The following CAMK1D variants were observed in gnomAD, a reference collection of about 807,000 sequenced individuals.
The protein encoded by CAMK1D is calcium/calmodulin-dependent protein kinase type 1D.
CAMK1D carries 9 observed loss-of-function variants against 47.7 expected under a neutral mutation model. That is an observed-to-expected ratio of 0.19 (90% CI 0.11 to 0.33). The LOEUF (loss-of-function observed/expected upper bound fraction) is 0.33, where lower values mean the gene tolerates loss of function less well. Among genes scored for constraint, CAMK1D ranks in the 10% least tolerant of loss-of-function variants. The pLI, the probability that CAMK1D is intolerant of heterozygous loss-of-function variation, is 1.00. For synonymous variants in CAMK1D, 184 were observed against 184.9 expected (o/e 0.99, Z 0.04); for missense variants, 291 against 488.7 (o/e 0.60, Z 3.81).
intron 1 of CAMK1D, among the ~76,000 whole-genome samples, chr10:12,477,461 C>A (rs1833934965): frequency 6.6e-6 from 1 of 152,186 alleles, no homozygotes; most frequent in African/African-American, 2.4e-5. Context: ...CTGTGTCCAT[C>A]TGAGATGACT....
intron 1 of CAMK1D, among the ~76,000 whole-genome samples, chr10:12,393,725 G>A (rs1032851427): frequency 1.3e-5 from 2 of 152,210 alleles, no homozygotes; most frequent in Non-Finnish European, 2.9e-5. Context: ...CAAACTTGAG[G>A]CATGGGGAAG....
chr10:12,758,004 A>G (rs974515173), intron 3 of CAMK1D, among the ~76,000 whole-genome samples: 3 of 152,124 alleles, frequency 2.0e-5, no homozygotes, highest in Non-Finnish European at 4.4e-5. Flanking sequence ...GGCACCCGCC[A>G]TCATGCCCAG....
At chr10:12,594,569 C>G (rs751175038) in intron 2 of CAMK1D, among the ~76,000 whole-genome samples, 1 of 152,194 alleles carries the variant, frequency 6.6e-6, no homozygotes, top group Non-Finnish European at 1.5e-5. Context: ...ACAATGGGCT[C>G]TACGTTTCTG....
At chr10:12,712,310 G>A (rs2130756543) in intron 3 of CAMK1D, among the ~76,000 whole-genome samples, 1 of 152,312 alleles carries the variant, frequency 6.6e-6, no homozygotes, top group South Asian at 2.1e-4. Flanking sequence ...TGTGTCTAGA[G>A]TACTCACAGC....
chr10:12,732,873 G>T (rs925025522), intron 3 of CAMK1D, among the ~76,000 whole-genome samples: 1 of 152,006 alleles, frequency 6.6e-6, no homozygotes, highest in Non-Finnish European at 1.5e-5. Context: ...CCTCATTTGA[G>T]ATCTTCCCTC....
intron 7 of CAMK1D, among the ~76,000 whole-genome samples, chr10:12,814,686 C>T (rs551264565): frequency 6.6e-6 from 1 of 152,164 alleles, no homozygotes; most frequent in African/African-American, 2.4e-5. Flanking sequence ...AGGGCTGCAC[C>T]CTCATGACCT....
At chr10:12,522,595 T>G (rs1835459159) in intron 1 of CAMK1D, among the ~76,000 whole-genome samples, 1 of 152,062 alleles carries the variant, frequency 6.6e-6, no homozygotes, top group Admixed American at 6.6e-5. Context: ...CCATGTCCAC[T>G]TCTTTCCACA....
chr10:12,523,858 G>A (rs1003646509), intron 1 of CAMK1D, among the ~76,000 whole-genome samples: 9 of 151,938 alleles, frequency 5.9e-5, no homozygotes, highest in African/African-American at 1.2e-4. Flanking sequence ...TCTTTCTTTC[G>A]TGGTGTTTAT....
intron 1 of CAMK1D, among the ~76,000 whole-genome samples, chr10:12,392,895 A>C (rs1838789715): frequency 6.8e-6 from 1 of 147,266 alleles, no homozygotes; most frequent in African/African-American, 2.5e-5. Flanking sequence ...GTAAGCCTCA[A>C]TTTTTCTTCC....
At chr10:12,565,344 G>A (rs1382424692) in intron 2 of CAMK1D, among the ~76,000 whole-genome samples, 1 of 152,182 alleles carries the variant, frequency 6.6e-6, no homozygotes, top group African/African-American at 2.4e-5. Flanking sequence ...CCGCCTCCCA[G>A]GTTCAAGCAA....
At position 12,749,562 on chromosome 10, in the gene CAMK1D, G is replaced by GT. The variant is rs71982177; in HGVS notation, c.300-11383dup. On this transcript the variant is annotated intron_variant, in intron 3 of 10. Coordinates refer to ENST00000619168, the MANE Select transcript of CAMK1D (RefSeq NM_153498.4). ...TTGTTTGTTTGTTTTTTGTTTGTTT[G>GT]TTTGTTTGTTTGTTTTGATGAAGTC... is the stretch of plus-strand genomic sequence containing the variant. Among the ~76,000 whole-genome samples, 1,083 of 108,734 alleles carry GT rather than the reference G, an allele frequency of 1.0e-2. 29 individuals carry two copies. Among genetic ancestry groups the GT allele is most frequent in the African/African-American group, 0.056 (1,029 of 18,278 alleles). 71.3% of individuals were successfully genotyped at this position (108,734 alleles called of 152,430 possible).
intron 3 of CAMK1D, among the ~76,000 whole-genome samples, chr10:12,722,563 G>A (rs1337723536): frequency 6.6e-6 from 1 of 150,848 alleles, no homozygotes; most frequent in Non-Finnish European, 1.5e-5. Flanking sequence ...ATCCTCATCT[G>A]TAAGTGGAGA....
rs1266881620 is a variant in CAMK1D at position 12,518,487 on chromosome 10, A to T, written c.93-34738A>T. 3.8e-4 allele frequency among the ~76,000 whole-genome samples: 13 copies of T among 33,870 alleles called. 1 individual carries two copies. The highest frequency in any genetic ancestry group is 1.1e-3 in the African/African-American group (11 of 9,790). 22.2% of individuals were successfully genotyped at this position (33,870 alleles called of 152,430 possible). ...TTTATTCATTCTTTTTTTATTTTTT[A>T]TTTTTTATTTTTTTTTTTTATTGAT... is the stretch of plus-strand genomic sequence containing the variant. On this transcript the variant is annotated intron_variant, in intron 1 of 10. Transcript: ENST00000619168.
intron 1 of CAMK1D, among the ~76,000 whole-genome samples, chr10:12,484,534 A>T (rs569062144): frequency 6.6e-6 from 1 of 152,162 alleles, no homozygotes; most frequent in Non-Finnish European, 1.5e-5. Flanking sequence ...TCTTGGAAAC[A>T]CCAGCCAAGT....
chr10:12,751,124 A>AAGATG (rs1835962024), intron 3 of CAMK1D, among the ~76,000 whole-genome samples: 1 of 120,364 alleles, frequency 8.3e-6, no homozygotes, highest in African/African-American at 3.2e-5. Context: ...AAGATAAGAT[A>AAGATG]AGAAGGCTTC....
At chr10:12,477,170 C>CT (rs1315244470) in intron 1 of CAMK1D, among the ~76,000 whole-genome samples, 1 of 152,126 alleles carries the variant, frequency 6.6e-6, no homozygotes, top group Non-Finnish European at 1.5e-5. Flanking sequence ...AATCCCAGCA[C>CT]TTTGGGAGGC....
chr10:12,681,003 G>A (rs576352662), intron 3 of CAMK1D, among the ~76,000 whole-genome samples: 5 of 151,964 alleles, frequency 3.3e-5, no homozygotes, highest in South Asian at 2.1e-4. Flanking sequence ...TTACATTGAC[G>A]GCTTTGGTGG....
intron 3 of CAMK1D, among the ~76,000 whole-genome samples, chr10:12,680,463 G>A (rs915256531): frequency 6.6e-6 from 1 of 152,166 alleles, no homozygotes; most frequent in African/African-American, 2.4e-5. Context: ...CATTTTCTGA[G>A]TGTTAATCTC....
intron 1 of CAMK1D, among the ~76,000 whole-genome samples, chr10:12,475,137 A>C (rs1833864428): frequency 6.6e-6 from 1 of 152,134 alleles, no homozygotes; most frequent in South Asian, 2.1e-4. Flanking sequence ...TGCTGGGTCG[A>C]ATTCATTGTA....
Sources: gnomAD v4.1 joint callset for allele counts (sites outside exome capture counted in the v4.1 genomes callset) on GRCh38, gnomAD v4.1.1 for gene constraint, MANE v1.5 for transcripts, NCBI Gene and HGNC (gene_info 2026-07-23, HGNC 2026-07-21) for gene names.